The following STK32B variants were observed in gnomAD, a reference collection of about 807,000 sequenced individuals.
STK32B encodes serine/threonine kinase 32B, also known as serine/threonine-protein kinase 32B.
Under a neutral mutation model 52.6 loss-of-function variants are expected in STK32B, and 43 were observed. The ratio of observed to expected loss-of-function variants is 0.82; its 90% CI spans 0.64 to 1.05. The LOEUF (loss-of-function observed/expected upper bound fraction) is 1.05. Ranked by LOEUF, STK32B falls within the 50% of genes least tolerant of loss-of-function variation. The pLI is 0.00. For missense variants in STK32B, 621 were observed against 534.6 expected (o/e 1.16, Z -1.59); for synonymous variants, 238 against 204.3 (o/e 1.17, Z -1.41).
intron 3 of STK32B, among the ~76,000 whole-genome samples, chr4:5,214,566 G>A (rs1359384783): frequency 1.4e-4 from 22 of 152,098 alleles, no homozygotes; most frequent in Admixed American, 1.4e-3. Flanking sequence ...GGGTTTGTCT[G>A]TTCTGTTCCA....
rs1741793916 is a variant in STK32B at position 5,051,804 on chromosome 4, C to G, written c.-60C>G. 15 of 1,556,554 alleles carry G rather than the reference C, an allele frequency of 9.6e-6. No individual in the cohort carries two copies. In the Admixed American group the frequency reaches 2.5e-4, roughly 26 times the overall value. On this transcript the variant is annotated 5_prime_UTR_variant, in exon 1 of 12. Transcript: ENST00000282908. ...GCATCCCGCATCTCTGCGCGCGTCC[C>G]ACATCCCGCATCCGGCATCCCAGCG... is the stretch of plus-strand genomic sequence containing the variant.
At chr4:5,032,173 GA>G in the STK32B span, among the ~76,000 whole-genome samples, 4,503 of 128,990 alleles carry the variant, frequency 0.035, 211 homozygotes, top group African/African-American at 0.11. Context: ...CTCCTAGAAA[GA>G]AAAAAAAAAA....
intron 3 of STK32B, among the ~76,000 whole-genome samples, chr4:5,247,907 G>A (rs10000893): frequency 0.072 from 11,002 of 152,038 alleles, 577 homozygotes; most frequent in African/African-American, 0.15. Flanking sequence ...TTCTTGCATA[G>A]ACCCAGGGCC....
intron 3 of STK32B, among the ~76,000 whole-genome samples, chr4:5,302,452 T>C (rs114647236): frequency 0.011 from 1,616 of 152,240 alleles, 29 homozygotes; most frequent in African/African-American, 0.037. Flanking sequence ...TGTTTTACAT[T>C]GTACATTTAG....
At chr4:5,214,128 G>A (rs558395850) in intron 3 of STK32B, 1 of 152,248 alleles carries the variant, frequency 6.6e-6, no homozygotes, top group East Asian at 1.9e-4. Context: ...GGACCTGGTG[G>A]GAGGTGATTG....
intron 11 of STK32B, among the ~76,000 whole-genome samples, chr4:5,471,789 G>C (rs1338656977): frequency 6.6e-6 from 1 of 152,114 alleles, no homozygotes; most frequent in African/African-American, 2.4e-5. Context: ...TCTGAGTTGA[G>C]TCATAAGGAC....
chr4:5,043,465 T>A, the STK32B span, among the ~76,000 whole-genome samples: 1 of 152,262 alleles, frequency 6.6e-6, no homozygotes, highest in African/African-American at 2.4e-5. Flanking sequence ...ATATGTCTCA[T>A]AGTCCTTGCA....
chr4:5,298,884 G>A (rs899214326), intron 3 of STK32B, among the ~76,000 whole-genome samples: 6 of 151,856 alleles, frequency 4.0e-5, no homozygotes, highest in Non-Finnish European at 8.8e-5. Flanking sequence ...TGCCCAAACA[G>A]CCACCCAGTT....
At chr4:5,233,489 T>C (rs1409184572) in intron 3 of STK32B, among the ~76,000 whole-genome samples, 4 of 152,056 alleles carry the variant, frequency 2.6e-5, no homozygotes, top group Non-Finnish European at 5.9e-5. Flanking sequence ...GCAGTATCAA[T>C]GAGGTCCAAG....
chr4:5,394,054 C>A lies in STK32B; in HGVS notation c.435-4153C>A, dbSNP rs1457429928. On this transcript the variant is annotated intron_variant, in intron 4 of 11. Coordinates refer to ENST00000282908, the MANE Select transcript of STK32B (RefSeq NM_018401.3). This position sits in a 1 kb window ranked among gnomAD's most constrained non-coding sequence, Gnocchi z 4.2. ...GCCAGCATAGAATATTGAGAAGCCC[C>A]CTGCCAAAAGACACATGCAGAAACA... Among the ~76,000 whole-genome samples the A allele has an allele frequency of 6.6e-6, 1 of 152,210 alleles. No individual in the cohort carries two copies. Among genetic ancestry groups the A allele is most frequent in the East Asian group, 1.9e-4 (1 of 5,192 alleles).
At chr4:5,163,588 G>C (rs969963639) in intron 2 of STK32B, among the ~76,000 whole-genome samples, 1 of 151,024 alleles carries the variant, frequency 6.6e-6, no homozygotes. Context: ...GTGTAAGAGA[G>C]AGAGAGAGAT....
chr4:5,105,546 G>A (rs919704612), intron 1 of STK32B, among the ~76,000 whole-genome samples: 23 of 151,812 alleles, frequency 1.5e-4, no homozygotes, highest in African/African-American at 4.3e-4. Context: ...TCTATATTGC[G>A]CATTTTTACT....
intron 3 of STK32B, among the ~76,000 whole-genome samples, chr4:5,181,767 A>G (rs1720383384): frequency 6.6e-6 from 1 of 152,256 alleles, no homozygotes; most frequent in Non-Finnish European, 1.5e-5. Flanking sequence ...CTGAGTCTTC[A>G]ACAAGTTTTA....
intron 11 of STK32B, among the ~76,000 whole-genome samples, chr4:5,489,053 A>G (rs1719464605): frequency 6.6e-6 from 1 of 152,120 alleles, no homozygotes; most frequent in Admixed American, 6.5e-5. Flanking sequence ...ATTGTCTGTC[A>G]TGTATCAATA....
At chr4:5,363,577 G>C (rs770675933) in intron 4 of STK32B, among the ~76,000 whole-genome samples, 5 of 152,166 alleles carry the variant, frequency 3.3e-5, no homozygotes, top group Non-Finnish European at 2.9e-5. Flanking sequence ...TACAGGGCTT[G>C]TCAAAGGCTG....
At chr4:5,358,152 G>T (rs758725373) in intron 4 of STK32B, among the ~76,000 whole-genome samples, 2 of 152,212 alleles carry the variant, frequency 1.3e-5, no homozygotes, top group Non-Finnish European at 2.9e-5. Context: ...TAAAGGGATT[G>T]TTCCATCTCC....
intron 8 of STK32B, among the ~76,000 whole-genome samples, chr4:5,459,408 C>A (rs1716856575): frequency 1.3e-5 from 2 of 152,136 alleles, no homozygotes; most frequent in South Asian, 4.1e-4. Context: ...GCAATGAGCC[C>A]AGGGCACCCA....
the STK32B span, among the ~76,000 whole-genome samples, chr4:5,033,498 C>T: frequency 6.6e-6 from 1 of 152,232 alleles, no homozygotes; most frequent in African/African-American, 2.4e-5. Flanking sequence ...GAAAGCAATT[C>T]GGAAACTGGC....
intron 3 of STK32B, among the ~76,000 whole-genome samples, chr4:5,268,790 G>A (rs540821345): frequency 5.2e-4 from 79 of 152,008 alleles, no homozygotes; most frequent in African/African-American, 1.6e-3. Flanking sequence ...TAAGGGCTTC[G>A]GCTTCTGGTT....
Sources: gnomAD v4.1 joint callset for allele counts (sites outside exome capture counted in the v4.1 genomes callset) on GRCh38, gnomAD v4.1.1 for gene constraint, Gnocchi (gnomAD v3.1) non-coding constraint, MANE v1.5 for transcripts, NCBI Gene and HGNC (gene_info 2026-07-23, HGNC 2026-07-21) for gene names.